Variants in SULF2 observed in about 807,000 individuals in gnomAD.
SULF2 encodes the protein extracellular sulfatase Sulf-2.
In SULF2, 52 loss-of-function variants were observed where a neutral mutation model predicts 107.7. The ratio of observed to expected loss-of-function variants is 0.48; its 90% CI spans 0.39 to 0.61. The LOEUF (loss-of-function observed/expected upper bound fraction) is 0.61, where lower values mean the gene tolerates loss of function less well. Among genes scored for constraint, SULF2 ranks in the 20% least tolerant of loss-of-function variants. The probability of loss-of-function intolerance (pLI) is 0.00; values close to 1 mark genes in which losing one functional copy is unlikely to be tolerated. For missense variants in SULF2, 993 were observed against 1,177.3 expected (o/e 0.84, Z 2.29); for synonymous variants, 460 against 464.3 (o/e 0.99, Z 0.12).
intron 1 of SULF2, among the ~76,000 whole-genome samples, chr20:47,764,648 G>A (rs1424313917): frequency 1.3e-5 from 2 of 152,174 alleles, no homozygotes; most frequent in African/African-American, 4.8e-5. Flanking sequence ...GATGGTGGCC[G>A]CCCATTGGAT....
In SULF2 at chr20:47,720,506, C is replaced by T. The variant is rs577225335; in HGVS notation, c.415+16197G>A. ...CTCCTGGCCTCAAGTGATCCACCCACCTTGGCCTCCCAAAGTGCTGGGATT... is the reference window on the plus strand; with the variant it reads ...CTCCTGGCCTCAAGTGATCCACCCATCTTGGCCTCCCAAAGTGCTGGGATT... On this transcript the variant is annotated intron_variant, in intron 3 of 20. Coordinates refer to ENST00000688720, the MANE Select transcript of SULF2 (RefSeq NM_001387048.1). 5.3e-5 allele frequency among the ~76,000 whole-genome samples: 8 copies of T among 151,964 alleles called. No individual in the cohort carries two copies. In the South Asian group the frequency reaches 1.5e-3, roughly 28 times the overall value.
intron 2 of SULF2, among the ~76,000 whole-genome samples, chr20:47,738,457 G>A (rs1229758374): frequency 6.6e-6 from 1 of 152,190 alleles, no homozygotes; most frequent in Non-Finnish European, 1.5e-5. Context: ...ATTTCTGGAA[G>A]CTGTGAATGT....
chr20:47,731,222 T>A (rs147965261), intron 3 of SULF2, among the ~76,000 whole-genome samples: 4 of 131,486 alleles, frequency 3.0e-5, no homozygotes, highest in African/African-American at 1.3e-4. Flanking sequence ...AGACAGAGTC[T>A]TACTCTGTCA....
At chr20:47,663,338 C>G in intron 16 of SULF2, 115 bp downstream of exon 16, 1 of 1,574,490 alleles carries the variant, frequency 6.4e-7, no homozygotes, top group Non-Finnish European at 8.6e-7. Flanking sequence ...TCCCGAGCAC[C>G]GTGGACCCCT....
intron 10 of SULF2, among the ~76,000 whole-genome samples, chr20:47,674,679 C>CA (rs1015231934): frequency 6.6e-6 from 1 of 152,040 alleles, no homozygotes; most frequent in African/African-American, 2.4e-5. Flanking sequence ...CAGCAAATGA[C>CA]AAAAAAACAT....
intron 2 of SULF2, among the ~76,000 whole-genome samples, chr20:47,742,453 T>A (rs773577043): frequency 1.3e-5 from 2 of 152,186 alleles, no homozygotes; most frequent in Non-Finnish European, 2.9e-5. Flanking sequence ...GAGGTCACTC[T>A]GACACCTCTG....
At chr20:47,672,605 T>G in intron 10 of SULF2, 7 of 951,106 alleles carry the variant, frequency 7.4e-6, no homozygotes, top group Non-Finnish European at 8.8e-6. Context: ...GCGAGATGCC[T>G]CCGACAGCCA....
intron 2 of SULF2, among the ~76,000 whole-genome samples, chr20:47,747,363 G>A (rs1600639860): frequency 2.6e-5 from 4 of 152,276 alleles, no homozygotes; most frequent in African/African-American, 7.2e-5. Context: ...GAGAGACCAT[G>A]CAGTTAATTT....
chr20:47,725,110 A>G (rs568357707), intron 3 of SULF2, among the ~76,000 whole-genome samples: 27 of 152,300 alleles, frequency 1.8e-4, no homozygotes, highest in Non-Finnish European at 3.5e-4. Flanking sequence ...TTCACTGGGA[A>G]TGTGACAATT....
At chr20:47,700,892 C>T (rs144259671) in intron 4 of SULF2, among the ~76,000 whole-genome samples, 1 of 152,088 alleles carries the variant, frequency 6.6e-6, no homozygotes, top group Non-Finnish European at 1.5e-5. Context: ...GTGATCCACC[C>T]GCCTCAGTCT....
At chr20:47,681,340 G>A (rs754043234) in intron 7 of SULF2, among the ~76,000 whole-genome samples, 1 of 152,110 alleles carries the variant, frequency 6.6e-6, no homozygotes, top group Non-Finnish European at 1.5e-5. Flanking sequence ...GACAGATACC[G>A]TGTGTCTTTG....
chr20:47,670,698 G>C (rs2087437185), intron 11 of SULF2, among the ~76,000 whole-genome samples: 2 of 46,962 alleles, frequency 4.3e-5, no homozygotes, highest in African/African-American at 8.8e-5. Context: ...CGGGGTGGGA[G>C]AACGGGGTGG....
chr20:47,657,842 A>ATCTC lies in SULF2; in HGVS notation c.*516_*519dup, dbSNP rs1192833871. ...GGGTTTATAGTGCTAGGTAAATGTC[A>ATCTC]TCTCTTTTGTGCTACTGACTCATTG... On this transcript the variant is annotated 3_prime_UTR_variant, in exon 21 of 21. Transcript: ENST00000688720. 1.3e-5 allele frequency: 2 copies of ATCTC among 158,642 alleles called. No individual in the cohort carries two copies. Among genetic ancestry groups the ATCTC allele is most frequent in the African/African-American group, 4.8e-5 (2 of 41,524 alleles). 9.8% of individuals were successfully genotyped at this position (158,642 alleles called of 1,614,324 possible). A position where few individuals can be genotyped will look rare whatever the true frequency, so the allele number is the denominator to read the frequency against.
intron 16 of SULF2, 96 bp from the exon 17 acceptor site, chr20:47,663,308 C>T (rs747793587): frequency 9.6e-5 from 152 of 1,584,054 alleles, no homozygotes; most frequent in Admixed American, 1.7e-4. Flanking sequence ...AAAACCAGTT[C>T]GTCAAATGCC....
intron 17 of SULF2, among the ~76,000 whole-genome samples, chr20:47,662,314 G>A (rs747765726): frequency 6.6e-6 from 1 of 152,192 alleles, no homozygotes; most frequent in Non-Finnish European, 1.5e-5. Context: ...TTCTTGTGTA[G>A]TCTGGGAGCT....
intron 3 of SULF2, among the ~76,000 whole-genome samples, chr20:47,735,853 T>TGGA (rs1333589590): frequency 6.6e-6 from 1 of 152,162 alleles, no homozygotes; most frequent in Non-Finnish European, 1.5e-5. Flanking sequence ...CGGACAGGGC[T>TGGA]GGAGGAGGAG....
chr20:47,745,396 A>AGG (rs2089990320), intron 2 of SULF2, among the ~76,000 whole-genome samples: 159 of 27,290 alleles, frequency 5.8e-3, no homozygotes, highest in Middle Eastern at 0.016. Context: ...AAAAAAAAAA[A>AGG]AAAAAAAAAA....
chr20:47,727,038 C>T (rs1283863319), intron 3 of SULF2, among the ~76,000 whole-genome samples: 1 of 140,412 alleles, frequency 7.1e-6, no homozygotes, highest in Non-Finnish European at 1.6e-5. Flanking sequence ...CTCAGTTTGA[C>T]ATCGGCTCTG....
At chr20:47,722,227 T>G (rs1275553168) in intron 3 of SULF2, among the ~76,000 whole-genome samples, 1 of 152,242 alleles carries the variant, frequency 6.6e-6, no homozygotes, top group Non-Finnish European at 1.5e-5. Flanking sequence ...ATTTTTTTGC[T>G]GACTTCAAGC....
Sources: allele counts gnomAD v4.1 joint callset (sites outside exome capture counted in the v4.1 genomes callset), GRCh38; gene constraint gnomAD v4.1.1; transcripts MANE v1.5; gene names NCBI Gene and HGNC (gene_info 2026-07-23, HGNC 2026-07-21).